MTMR9: variants seen among roughly 807,000 people sequenced by gnomAD.
The protein encoded by MTMR9 is myotubularin-related protein 9.
In MTMR9, 39 loss-of-function variants were observed where a neutral mutation model predicts 69.5. The observed-to-expected ratio is 0.56, with a 90% confidence interval of 0.43 to 0.73. MTMR9 has a LOEUF of 0.73. Ranked by LOEUF, MTMR9 falls within the 30% of genes least tolerant of loss-of-function variation. The probability of loss-of-function intolerance (pLI) is 0.00; values close to 1 mark genes in which losing one functional copy is unlikely to be tolerated. For synonymous variants in MTMR9, 354 were observed against 240.8 expected (o/e 1.47, Z -4.35); for missense variants, 900 against 671.2 (o/e 1.34, Z -3.77).
chr8:11,322,312 A>G (rs1042862258), intron 9 of MTMR9, among the ~76,000 whole-genome samples: 3 of 152,236 alleles, frequency 2.0e-5, no homozygotes, highest in Admixed American at 6.5e-5. Context: ...GACATTGCAA[A>G]TTATCATCTT....
chr8:11,293,269 T>C (rs1020689711), intron 1 of MTMR9, among the ~76,000 whole-genome samples: 3 of 152,206 alleles, frequency 2.0e-5, no homozygotes, highest in Non-Finnish European at 4.4e-5. Flanking sequence ...AAAAAGCTTA[T>C]AGAATGAGGA....
downstream of MTMR9, among the ~76,000 whole-genome samples, chr8:11,330,198 T>TG (rs1191931123): frequency 2.0e-4 from 29 of 143,830 alleles, no homozygotes; most frequent in African/African-American, 6.1e-4. Context: ...GGGAGGGAGG[T>TG]GGGGGGTCAG....
intron 4 of MTMR9, 65 bp downstream of exon 4, chr8:11,305,079 T>C: frequency 6.7e-7 from 1 of 1,484,312 alleles, no homozygotes; most frequent in Non-Finnish European, 9.2e-7. Context: ...TTCGTAGAAA[T>C]GTTCCCTTTT....
chr8:11,331,609 G>A (rs1801232321), downstream of MTMR9: 2 of 1,613,362 alleles, frequency 1.2e-6, no homozygotes, highest in Non-Finnish European at 1.7e-6. Flanking sequence ...AGCATCCTAG[G>A]ACTAATCATC....
chr8:11,330,653 C>T (rs547061242), downstream of MTMR9, among the ~76,000 whole-genome samples: 30 of 152,120 alleles, frequency 2.0e-4, no homozygotes, highest in Non-Finnish European at 4.1e-4. Context: ...GTGCTGTGTC[C>T]ACTCAGGGTT....
chr8:11,289,027 C>G (rs1424385182), intron 1 of MTMR9, among the ~76,000 whole-genome samples: 2 of 152,096 alleles, frequency 1.3e-5, no homozygotes, highest in Non-Finnish European at 2.9e-5. Flanking sequence ...CAAAAAATAG[C>G]TGGGTTTGGT....
intron 1 of MTMR9, among the ~76,000 whole-genome samples, chr8:11,292,897 C>T (rs569011009): frequency 3.9e-5 from 6 of 152,278 alleles, no homozygotes; most frequent in Admixed American, 1.3e-4. Context: ...CCATTGCATA[C>T]ATCACATAAT....
chr8:11,298,012 C>T (rs141241486), intron 2 of MTMR9: 4 of 449,874 alleles, frequency 8.9e-6, no homozygotes, highest in East Asian at 7.0e-5. Flanking sequence ...ATTAGGAGTC[C>T]GTATACTCAA....
At chr8:11,293,611 A>C (rs1585109755) in intron 1 of MTMR9, among the ~76,000 whole-genome samples, 1 of 152,132 alleles carries the variant, frequency 6.6e-6, no homozygotes, top group South Asian at 2.1e-4. Flanking sequence ...TTAGTGTCTT[A>C]TCTAAGAAAC....
intron 8 of MTMR9, chr8:11,318,560 T>C (rs956479153): frequency 3.9e-5 from 6 of 152,228 alleles, no homozygotes; most frequent in African/African-American, 1.2e-4. Flanking sequence ...GAATTGAATG[T>C]ATTATCTTTT....
At chr8:11,310,628 T>C (rs1278625941) in intron 6 of MTMR9, among the ~76,000 whole-genome samples, 3 of 152,150 alleles carry the variant, frequency 2.0e-5, no homozygotes, top group Non-Finnish European at 4.4e-5. Context: ...ATTTACCTAA[T>C]AAACTGTGGG....
Position 11,304,843 on chromosome 8 carries a change from C to T in MTMR9, c.420C>T (p.Thr140=). Residue 140 remains threonine, a splice_region_variant and synonymous_variant, in exon 4 of 10, where the codon ACC becomes ACT. Coordinates refer to ENST00000221086, the MANE Select transcript of MTMR9 (RefSeq NM_015458.4). ...TTGAAGTATTTTGTGTTTTTCAGAC[C>T]AGTGAATGGAGGCTAAGCTATGTCA... ...EQEFELYSSA[T]SEWRLSYVNK... 6.2e-7 allele frequency: 1 copy of T among 1,612,868 alleles called. No individual in the cohort carries two copies. Among genetic ancestry groups the T allele is most frequent in the South Asian group, 1.1e-5 (1 of 90,832 alleles).
chr8:11,334,797 C>A, the MTMR9 span, among the ~76,000 whole-genome samples: 1 of 152,156 alleles, frequency 6.6e-6, no homozygotes, highest in Admixed American at 6.5e-5. Context: ...TTCAGCCAGT[C>A]AGTTAATGTA....
Position 11,287,820 on chromosome 8 carries a change from A to ATATGTTATATATTATAT in MTMR9, c.182+2753_182+2754insGTTATATATTATATTAT, listed in dbSNP as rs1427262731. On this transcript the variant is annotated intron_variant, in intron 1 of 9. Coordinates refer to ENST00000221086, the MANE Select transcript of MTMR9 (RefSeq NM_015458.4). ...ATACATATTATATAATACATATAAT[A>ATATGTTATATATTATAT]TATAATATATAACATTATATATTTT... Among the ~76,000 whole-genome samples, 12 of 124,470 alleles carry ATATGTTATATATTATAT rather than the reference A, an allele frequency of 9.6e-5. No homozygotes were observed. The East Asian group carries it at 1.2e-3, about 13-fold the overall frequency. 81.7% of individuals were successfully genotyped at this position (124,470 alleles called of 152,430 possible).
At position 11,315,213 on chromosome 8, in the gene MTMR9, C is replaced by T. The variant is rs558578159; in HGVS notation, c.1113+149C>T. The T allele has an allele frequency of 4.2e-6, 4 of 963,092 alleles. No homozygotes were observed. The African/African-American group carries it at 6.5e-5, about 16-fold the overall frequency. The allele number at this position is 963,092 out of a possible 1,614,324, so 59.7% of individuals were successfully genotyped here. On this transcript the variant is annotated intron_variant, in intron 7 of 9. Coordinates refer to ENST00000221086, the MANE Select transcript of MTMR9 (RefSeq NM_015458.4). ...TACTGCAGGACAGTTAATCTGTCTT[C>T]TCCTTGTTTCTGGATGTCTCTTTGC...
rs1163752182 is a variant in MTMR9 at position 11,327,794 on chromosome 8, TC to T, written c.*5008del. The stretch of plus-strand genomic sequence containing the variant: ...TCAAGAGTGCTGTAAGGTACAGGTT[TC>T]CATATTGTGAACCTGTGTACGCACA... On this transcript the variant is annotated 3_prime_UTR_variant, in exon 10 of 10. Coordinates refer to ENST00000221086, the MANE Select transcript of MTMR9 (RefSeq NM_015458.4). 1.3e-5 allele frequency: 2 copies of T among 152,640 alleles called. No individual in the cohort carries two copies. Among genetic ancestry groups the T allele is most frequent in the Admixed American group, 1.3e-4 (2 of 15,278 alleles). 9.5% of individuals were successfully genotyped at this position (152,640 alleles called of 1,614,324 possible).
At chr8:11,309,477 A>T (rs1563278396) in intron 5 of MTMR9, 50 bp from the exon 6 acceptor site, 1 of 1,517,188 alleles carries the variant, frequency 6.6e-7, no homozygotes, top group South Asian at 1.3e-5. Flanking sequence ...TGGTTTCTTT[A>T]TCTTTCTATT....
chr8:11,286,713 A>G (rs1316318987), intron 1 of MTMR9, among the ~76,000 whole-genome samples: 1 of 150,562 alleles, frequency 6.6e-6, no homozygotes, highest in African/African-American at 2.5e-5. Context: ...TCTCTCATTG[A>G]AAATCTAAAC....
chr8:11,288,153 G>A (rs1529858), intron 1 of MTMR9, among the ~76,000 whole-genome samples: 1 of 131,648 alleles, frequency 7.6e-6, no homozygotes, highest in Non-Finnish European at 1.6e-5. Context: ...ATTATTCAGC[G>A]AATAGGTGAA....
Sources: gnomAD v4.1 joint callset for allele counts (sites outside exome capture counted in the v4.1 genomes callset) on GRCh38, gnomAD v4.1.1 for gene constraint, MANE v1.5 for transcripts, NCBI Gene and HGNC (gene_info 2026-07-23, HGNC 2026-07-21) for gene names.